Variants in NACC2 observed in about 807,000 individuals in gnomAD.
NACC2 encodes the protein NACC family member 2.
Under a neutral mutation model 25.1 loss-of-function variants are expected in NACC2, and 8 were observed. The observed-to-expected ratio is 0.32, with a 90% CI of 0.19 to 0.57. The LOEUF (loss-of-function observed/expected upper bound fraction) is 0.57. Among genes scored for constraint, NACC2 ranks in the 20% least tolerant of loss-of-function variants. The pLI, the probability that NACC2 is intolerant of heterozygous loss-of-function variation, is 0.89. For synonymous variants in NACC2, 435 were observed against 294.7 expected (o/e 1.48, Z -4.88); for missense variants, 644 against 650.2 (o/e 0.99, Z 0.10).
chr9:136,008,623 G>A lies in NACC2; in HGVS notation c.*2893C>T, dbSNP rs941510780. On this transcript the variant is annotated 3_prime_UTR_variant, in exon 6 of 6. Transcript: ENST00000277554. ...ATTAGTCATCTTGTAAACAAAGGAG[G>A]GAAGGGTCCGGCTTTCTTAATTGGT... 4 of 152,250 alleles carry A rather than the reference G, an allele frequency of 2.6e-5. No individual in the cohort carries two copies. Among genetic ancestry groups the A allele is most frequent in the African/African-American group, 9.6e-5 (4 of 41,456 alleles). 9.4% of individuals were successfully genotyped at this position (152,250 alleles called of 1,614,324 possible). A position where few individuals can be genotyped will look rare whatever the true frequency, so the allele number is the denominator to read the frequency against.
chr9:136,049,134 G>A (rs1285007291), intron 2 of NACC2, among the ~76,000 whole-genome samples: 2 of 152,248 alleles, frequency 1.3e-5, no homozygotes, highest in African/African-American at 2.4e-5. Context: ...AGAAAGGAAC[G>A]GAGAGGAGGG....
At chr9:136,041,382 T>C (rs1223691933) in intron 2 of NACC2, among the ~76,000 whole-genome samples, 2 of 149,484 alleles carry the variant, frequency 1.3e-5, no homozygotes, top group Non-Finnish European at 3.0e-5. Context: ...ATCGCACCAC[T>C]GCACTCCAGC....
chr9:136,031,704 T>G (rs555514620), intron 2 of NACC2, among the ~76,000 whole-genome samples: 1 of 152,328 alleles, frequency 6.6e-6, no homozygotes, highest in South Asian at 2.1e-4. Flanking sequence ...AAAGCAAAAT[T>G]AGAGGGCAAT....
At chr9:136,089,412 G>A (rs1159526966) in intron 1 of NACC2, among the ~76,000 whole-genome samples, 2 of 152,018 alleles carry the variant, frequency 1.3e-5, no homozygotes, top group East Asian at 1.9e-4. Context: ...CCAGGCGAAG[G>A]GTAGGGGGTA....
chr9:136,072,622 C>T (rs570466984), intron 1 of NACC2, among the ~76,000 whole-genome samples: 1 of 152,124 alleles, frequency 6.6e-6, no homozygotes, highest in East Asian at 1.9e-4. Flanking sequence ...GATGCCGAGG[C>T]GGGCGGATCA....
At chr9:136,075,118 T>A (rs1795011454) in intron 1 of NACC2, among the ~76,000 whole-genome samples, 1 of 152,268 alleles carries the variant, frequency 6.6e-6, no homozygotes, top group Non-Finnish European at 1.5e-5. Flanking sequence ...TGGCGGCTTC[T>A]GCTCCCTCAA....
chr9:136,064,203 C>T (rs1330749753), intron 1 of NACC2, among the ~76,000 whole-genome samples: 1 of 152,094 alleles, frequency 6.6e-6, no homozygotes, highest in African/African-American at 2.4e-5. Context: ...GGGGGAGAAT[C>T]ACTTGAGCCC....
At chr9:136,073,594 A>G (rs1194436204) in intron 1 of NACC2, among the ~76,000 whole-genome samples, 2 of 152,174 alleles carry the variant, frequency 1.3e-5, no homozygotes, top group African/African-American at 4.8e-5. Flanking sequence ...CGAATGCCAA[A>G]GAGAACAGGA....
At chr9:136,083,767 C>A (rs1452486207) in intron 1 of NACC2, among the ~76,000 whole-genome samples, 1 of 152,270 alleles carries the variant, frequency 6.6e-6, no homozygotes, top group Non-Finnish European at 1.5e-5. Flanking sequence ...GCCTCCCCAC[C>A]TCTCCACCTG....
At chr9:136,036,095 C>T (rs1329753492) in intron 2 of NACC2, among the ~76,000 whole-genome samples, 1 of 152,112 alleles carries the variant, frequency 6.6e-6, no homozygotes, top group East Asian at 1.9e-4. Flanking sequence ...ACGTGTCTGA[C>T]AAAGGATGCC....
At chr9:136,067,661 C>T (rs183842061) in intron 1 of NACC2, among the ~76,000 whole-genome samples, 3 of 152,298 alleles carry the variant, frequency 2.0e-5, no homozygotes, top group Non-Finnish European at 4.4e-5. Flanking sequence ...ATGGTGAAAC[C>T]CTGTCTCTAC....
rs1261506753 is a variant in NACC2 at position 136,053,315 on chromosome 9, C to T, written c.-59-2735G>A. ...ATGGGGACGGGAAGAGATCCAGGTG[C>T]GGGGAAGCTGCCGGCAAAGGCCCGT... On this transcript the variant is annotated intron_variant, in intron 1 of 5. Transcript: ENST00000277554. Among the ~76,000 whole-genome samples the T allele has an allele frequency of 1.1e-4, 16 of 152,326 alleles. No homozygotes were observed. In the South Asian group the frequency reaches 1.2e-3, roughly 12 times the overall value.
chr9:136,028,903 A>C (rs776790982), intron 2 of NACC2, among the ~76,000 whole-genome samples: 6 of 152,198 alleles, frequency 3.9e-5, no homozygotes, highest in Non-Finnish European at 7.4e-5. Context: ...GGCAGTGCTG[A>C]CATGCCAGGC....
chr9:136,017,823 C>T (rs1476864689), intron 2 of NACC2, among the ~76,000 whole-genome samples: 1 of 152,172 alleles, frequency 6.6e-6, no homozygotes, highest in Admixed American at 6.5e-5. Flanking sequence ...AATCCCACTG[C>T]CCTGGGCTCC....
chr9:136,088,314 G>A (rs909951449), intron 1 of NACC2, among the ~76,000 whole-genome samples: 1 of 152,154 alleles, frequency 6.6e-6, no homozygotes, highest in East Asian at 1.9e-4. Context: ...GGGACACACT[G>A]TACTCAGCAG....
intron 2 of NACC2, among the ~76,000 whole-genome samples, chr9:136,047,406 G>A (rs1042500457): frequency 2.0e-5 from 3 of 152,198 alleles, no homozygotes; most frequent in African/African-American, 4.8e-5. Flanking sequence ...TGGGCTTGCC[G>A]AACAGAAAAA....
chr9:136,080,039 C>T (rs894452827), intron 1 of NACC2, among the ~76,000 whole-genome samples: 3 of 152,244 alleles, frequency 2.0e-5, no homozygotes, highest in Non-Finnish European at 2.9e-5. Context: ...TAGCCCACAC[C>T]CTTGGCCACC....
intron 1 of NACC2, among the ~76,000 whole-genome samples, chr9:136,077,935 T>G (rs1401006632): frequency 6.6e-6 from 1 of 152,140 alleles, no homozygotes; most frequent in Non-Finnish European, 1.5e-5. Flanking sequence ...TTGTTTTGGG[T>G]TTTTTTGTAC....
chr9:136,095,022 C>T (rs1379728727), intron 1 of NACC2, among the ~76,000 whole-genome samples, 167 bp downstream of exon 1: 2 of 145,710 alleles, frequency 1.4e-5, no homozygotes, highest in Non-Finnish European at 3.0e-5. Flanking sequence ...ACGCCCGGGC[C>T]GGCGCGGAAC....
Sources: gnomAD v4.1 joint callset for allele counts (sites outside exome capture counted in the v4.1 genomes callset) on GRCh38, gnomAD v4.1.1 for gene constraint, MANE v1.5 for transcripts, NCBI Gene and HGNC (gene_info 2026-07-23, HGNC 2026-07-21) for gene names.